The following GRIP1 variants were observed in gnomAD, a reference collection of about 807,000 sequenced individuals.
GRIP1 encodes the protein glutamate receptor interacting protein 1.
GRIP1 carries 45 observed loss-of-function variants against 129.9 expected under a neutral mutation model. The ratio of observed to expected loss-of-function variants is 0.35; its 90% CI spans 0.27 to 0.44. The LOEUF (loss-of-function observed/expected upper bound fraction) is 0.44. GRIP1 is among the 20% of genes least tolerant of loss of function. The pLI is 1.00. For missense variants in GRIP1, 1,196 were observed against 1,396.8 expected (o/e 0.86, Z 2.29); for synonymous variants, 530 against 520.8 (o/e 1.02, Z -0.24).
intron 1 of GRIP1, among the ~76,000 whole-genome samples, chr12:66,660,910 T>G (rs1035253514): frequency 7.2e-5 from 11 of 152,014 alleles, no homozygotes; most frequent in Admixed American, 1.3e-4. Flanking sequence ...TATGTATACA[T>G]GTATACATGT....
At chr12:66,513,550 A>G (rs1377393246) in intron 7 of GRIP1, among the ~76,000 whole-genome samples, 1 of 152,148 alleles carries the variant, frequency 6.6e-6, no homozygotes, top group Non-Finnish European at 1.5e-5. Flanking sequence ...TGTAACTTCT[A>G]TAAGGTTTAT....
chr12:66,649,062 G>A (rs1221704787), intron 1 of GRIP1, among the ~76,000 whole-genome samples: 1 of 152,124 alleles, frequency 6.6e-6, no homozygotes, highest in Admixed American at 6.5e-5. Context: ...GAACATTCTT[G>A]TAGTTTAAAA....
intron 1 of GRIP1, among the ~76,000 whole-genome samples, chr12:66,776,641 G>T (rs117184287): frequency 1.3e-5 from 2 of 152,108 alleles, no homozygotes; most frequent in South Asian, 2.1e-4. Flanking sequence ...TGCTATAATC[G>T]CTGTAAAGTG....
At chr12:66,816,475 G>A (rs760439821) in intron 1 of GRIP1, among the ~76,000 whole-genome samples, 39 of 152,214 alleles carry the variant, frequency 2.6e-4, no homozygotes, top group Admixed American at 7.2e-4. Context: ...CAACAACCTA[G>A]TAAGGTAACC....
rs184981285 is a variant in GRIP1, at chr12:66,475,465, T to C, written c.725-10043A>G. 2.9e-3 allele frequency among the ~76,000 whole-genome samples: 439 copies of C among 152,308 alleles called. 3 individuals carry two copies. The highest frequency in any genetic ancestry group is 1.0e-2 in the African/African-American group (414 of 41,558). On this transcript the variant is annotated intron_variant, in intron 7 of 24. Coordinates refer to ENST00000359742, the MANE Select transcript of GRIP1 (RefSeq NM_001366722.1). ...GATATCCAGGAATTGAATTCAGCTCTGCACCAAGCAGACCTAACAGACATC... is the reference window on the plus strand; with the variant it reads ...GATATCCAGGAATTGAATTCAGCTCCGCACCAAGCAGACCTAACAGACATC...
intron 1 of GRIP1, among the ~76,000 whole-genome samples, chr12:66,982,911 G>T (rs914035353): frequency 6.6e-6 from 1 of 152,138 alleles, no homozygotes; most frequent in Non-Finnish European, 1.5e-5. Context: ...GTTTGTAGGG[G>T]CCATATGACT....
intron 1 of GRIP1, among the ~76,000 whole-genome samples, chr12:67,035,117 A>C (rs770918719): frequency 6.6e-6 from 1 of 152,160 alleles, no homozygotes; most frequent in Non-Finnish European, 1.5e-5. Flanking sequence ...GGTGCTGTGG[A>C]AAGTTGGAAT....
chr12:66,571,743 T>C (rs2062966941), intron 2 of GRIP1, among the ~76,000 whole-genome samples: 2 of 152,206 alleles, frequency 1.3e-5, no homozygotes, highest in Non-Finnish European at 2.9e-5. Flanking sequence ...CTTAATACTC[T>C]ACTGGGAAAT....
chr12:66,446,772 T>C (rs2058642687), intron 11 of GRIP1, among the ~76,000 whole-genome samples: 1 of 152,160 alleles, frequency 6.6e-6, no homozygotes, highest in Non-Finnish European at 1.5e-5. Flanking sequence ...ACTCTCTTCA[T>C]GTCAGTTCCT....
chr12:66,915,694 T>C (rs1339343074), intron 1 of GRIP1, among the ~76,000 whole-genome samples: 1 of 152,202 alleles, frequency 6.6e-6, no homozygotes, highest in Non-Finnish European at 1.5e-5. Flanking sequence ...GCCTATGTCT[T>C]GTATGCTGGG....
At chr12:66,696,114 T>C (rs1434246724) in intron 1 of GRIP1, among the ~76,000 whole-genome samples, 1 of 152,050 alleles carries the variant, frequency 6.6e-6, no homozygotes, top group Non-Finnish European at 1.5e-5. Flanking sequence ...TTAGCAAAAT[T>C]ACTATTATCT....
intron 1 of GRIP1, among the ~76,000 whole-genome samples, chr12:66,939,355 A>G (rs569344841): frequency 8.8e-5 from 9 of 102,778 alleles, no homozygotes; most frequent in African/African-American, 2.4e-4. Context: ...TCAAAAACAA[A>G]AACAGTTAAT....
intron 1 of GRIP1, among the ~76,000 whole-genome samples, chr12:66,933,017 TCC>T (rs2041424532): frequency 1.3e-5 from 2 of 152,216 alleles, no homozygotes; most frequent in Admixed American, 6.5e-5. Context: ...ATGATATTGT[TCC>T]TATAGGTAAC....
intron 1 of GRIP1, among the ~76,000 whole-genome samples, chr12:66,796,059 C>T (rs2038686847): frequency 6.6e-6 from 1 of 151,958 alleles, no homozygotes; most frequent in Non-Finnish European, 1.5e-5. Flanking sequence ...ACAGAGCAAA[C>T]CATCTTTTCA....
At chr12:66,362,996 T>G (rs1236759658) in intron 23 of GRIP1, among the ~76,000 whole-genome samples, 3 of 151,286 alleles carry the variant, frequency 2.0e-5, no homozygotes, top group Non-Finnish European at 4.4e-5. Context: ...CTCAAAGGCT[T>G]TGATTTTATT....
chr12:66,390,167 C>T (rs1248980815), intron 19 of GRIP1, among the ~76,000 whole-genome samples: 4 of 152,248 alleles, frequency 2.6e-5, no homozygotes, highest in Admixed American at 6.5e-5. Context: ...CGTGTCTTGG[C>T]GTGCAGTGAG....
At chr12:66,843,275 T>C (rs900270346) in intron 1 of GRIP1, among the ~76,000 whole-genome samples, 5 of 152,040 alleles carry the variant, frequency 3.3e-5, no homozygotes, top group African/African-American at 7.2e-5. Flanking sequence ...CTAAAAAACA[T>C]TGCCAGAAGA....
chr12:66,737,089 T>A (rs2036627945), intron 1 of GRIP1, among the ~76,000 whole-genome samples: 1 of 152,160 alleles, frequency 6.6e-6, no homozygotes. Flanking sequence ...GTGGGTTGAA[T>A]AAATTATGGG....
intron 1 of GRIP1, among the ~76,000 whole-genome samples, chr12:66,965,598 A>G (rs866599895): frequency 1.0e-5 from 1 of 95,334 alleles, no homozygotes; most frequent in African/African-American, 4.6e-5. Context: ...TGTGTGTGTG[A>G]GATATTATTA....
Sources: allele counts gnomAD v4.1 joint callset (sites outside exome capture counted in the v4.1 genomes callset), GRCh38; gene constraint gnomAD v4.1.1; transcripts MANE v1.5; gene names NCBI Gene and HGNC (gene_info 2026-07-23, HGNC 2026-07-21).